The following CEP162 variants were observed in gnomAD, a reference collection of about 807,000 sequenced individuals.
CEP162 encodes centrosomal protein of 162 kDa.
A neutral mutation model predicts 169.2 loss-of-function variants in CEP162; 141 were observed. That is an observed-to-expected ratio of 0.83 (90% CI 0.73 to 0.96). The LOEUF (loss-of-function observed/expected upper bound fraction) is 0.96, where lower values mean the gene tolerates loss of function less well. Among genes scored for constraint, CEP162 ranks in the 40% least tolerant of loss-of-function variants. CEP162 has a pLI of 0.00. For missense variants in CEP162, 1,600 were observed against 1,587.2 expected (o/e 1.01, Z -0.14); for synonymous variants, 540 against 526.4 (o/e 1.03, Z -0.35).
At chr6:84,205,490 T>G (rs946222520) in intron 6 of CEP162, among the ~76,000 whole-genome samples, 171 of 152,246 alleles carry the variant, frequency 1.1e-3, no homozygotes, top group Non-Finnish European at 1.8e-3. Context: ...CTCAATAGAT[T>G]CAGAAAAGGC....
chr6:84,227,141 G>T (rs1390449997), intron 1 of CEP162, among the ~76,000 whole-genome samples: 1 of 152,138 alleles, frequency 6.6e-6, no homozygotes, highest in Non-Finnish European at 1.5e-5. Context: ...CGTTCCCCTA[G>T]ACACCTAATG....
At chr6:84,221,880 C>G (rs1249603046) in intron 2 of CEP162, among the ~76,000 whole-genome samples, 1 of 152,120 alleles carries the variant, frequency 6.6e-6, no homozygotes, top group Non-Finnish European at 1.5e-5. Context: ...CAGAACTTCT[C>G]TAGGTTCTTC....
chr6:84,221,181 A>G lies in CEP162; in HGVS notation c.58-10T>C, dbSNP rs1306044828. ...AAGAATCATCTGAAAGCTGAATTAG[A>G]TATAAGACATTCAATTTGAAAATAC... is the stretch of plus-strand genomic sequence containing the variant. On this transcript the variant is annotated splice_polypyrimidine_tract_variant and intron_variant, in intron 2 of 26. Coordinates refer to ENST00000403245, the MANE Select transcript of CEP162 (RefSeq NM_014895.4). 11 of 1,234,796 alleles carry G rather than the reference A, an allele frequency of 8.9e-6. No individual in the cohort carries two copies. The highest frequency in any genetic ancestry group is 1.3e-5 in the Non-Finnish European group (11 of 840,844). 76.5% of individuals were successfully genotyped at this position (1,234,796 alleles called of 1,614,324 possible).
intron 24 of CEP162, among the ~76,000 whole-genome samples, chr6:84,147,632 G>C (rs1032755995): frequency 6.6e-6 from 1 of 151,844 alleles, no homozygotes; most frequent in African/African-American, 2.4e-5. Flanking sequence ...ATCAATAAAA[G>C]GGGGGGAAAA....
intron 13 of CEP162, among the ~76,000 whole-genome samples, chr6:84,182,838 T>C (rs776148663): frequency 6.6e-6 from 1 of 152,154 alleles, no homozygotes; most frequent in Non-Finnish European, 1.5e-5. Context: ...TTTAATTTGG[T>C]TAAGTTCCGG....
In CEP162 at chr6:84,124,626, A is replaced by G. The variant is rs1325477710; in HGVS notation, c.*444T>C. The G allele has an allele frequency of 4.9e-6, 1 of 204,300 alleles. No homozygotes were observed. The highest frequency in any genetic ancestry group is 6.2e-5 in the Admixed American group (1 of 16,036). 12.7% of individuals were successfully genotyped at this position (204,300 alleles called of 1,614,324 possible). On this transcript the variant is annotated 3_prime_UTR_variant, in exon 27 of 27. Coordinates refer to ENST00000403245, the MANE Select transcript of CEP162 (RefSeq NM_014895.4). ...AGCGTTGAAAAATTACCTGTTGGGTACAGTGTTTAATATTTGGATGATGGG... is the reference window on the plus strand; with the variant it reads ...AGCGTTGAAAAATTACCTGTTGGGTGCAGTGTTTAATATTTGGATGATGGG...
intron 18 of CEP162, among the ~76,000 whole-genome samples, chr6:84,166,230 CTT>C (rs2099527767): frequency 6.6e-6 from 1 of 152,132 alleles, no homozygotes; most frequent in East Asian, 1.9e-4. Flanking sequence ...CTCTGCTACT[CTT>C]GTCTTTACCC....
intron 3 of CEP162, 176 bp from the exon 4 acceptor site, chr6:84,216,098 A>G (rs914144738): frequency 5.1e-6 from 4 of 787,132 alleles, no homozygotes; most frequent in South Asian, 5.1e-5. Context: ...TTATAATTCT[A>G]TTTGGTGGCA....
chr6:84,142,249 C>T (rs560570624), intron 25 of CEP162, among the ~76,000 whole-genome samples: 22 of 152,168 alleles, frequency 1.4e-4, no homozygotes, highest in Non-Finnish European at 2.2e-4. Flanking sequence ...AAACAGGTAA[C>T]CTTAATTTAT....
chr6:84,215,434 A>G lies in CEP162; in HGVS notation c.351T>C (p.Ser117=). Residue 117 remains serine, a synonymous_variant, in exon 5 of 27, where the codon AGT becomes AGC. Coordinates refer to ENST00000403245, the MANE Select transcript of CEP162 (RefSeq NM_014895.4). ...ELVVSELNHS[S]LGVGLDTLEE... Reference sequence around the variant, plus strand: ...CTAATGTGTCCAATCCCACTCCGAGACTACTATGGTTGAGCTCAGAAACTA... The same window carrying G: ...CTAATGTGTCCAATCCCACTCCGAGGCTACTATGGTTGAGCTCAGAAACTA... The G allele has an allele frequency of 6.2e-7, 1 of 1,605,404 alleles. No homozygotes were observed. The highest frequency in any genetic ancestry group is 8.5e-7 in the Non-Finnish European group (1 of 1,176,372).
intron 6 of CEP162, among the ~76,000 whole-genome samples, chr6:84,209,715 A>C (rs2099548712): frequency 6.6e-6 from 1 of 152,202 alleles, no homozygotes; most frequent in Non-Finnish European, 1.5e-5. Context: ...TCAAAAGTTA[A>C]TACAGCCAAG....
intron 9 of CEP162, among the ~76,000 whole-genome samples, chr6:84,200,227 G>A (rs1214521947): frequency 6.6e-6 from 1 of 152,188 alleles, no homozygotes; most frequent in Admixed American, 6.5e-5. Context: ...TCCAGCCAGG[G>A]TGACAGAGCA....
At chr6:84,154,367 T>G (rs1471729508) in intron 22 of CEP162, among the ~76,000 whole-genome samples, 1 of 150,178 alleles carries the variant, frequency 6.7e-6, no homozygotes, top group Non-Finnish European at 1.5e-5. Context: ...TGTCTATCTA[T>G]CTATCTATCT....
rs541007793 is a variant in CEP162 at position 84,148,740 on chromosome 6, C to T, written c.3771+822G>A. On this transcript the variant is annotated intron_variant, in intron 24 of 26. Transcript: ENST00000403245. ...TCTTGATGTTTTTCTCCCTGACCTTCTTTCTTAAAATTGAAGCCTACAGAC... is the reference window on the plus strand; with the variant it reads ...TCTTGATGTTTTTCTCCCTGACCTTTTTTCTTAAAATTGAAGCCTACAGAC... 5.3e-5 allele frequency among the ~76,000 whole-genome samples: 8 copies of T among 152,186 alleles called. No homozygotes were observed. The East Asian group carries it at 1.5e-3, about 29-fold the overall frequency.
intron 2 of CEP162, among the ~76,000 whole-genome samples, chr6:84,223,307 T>A (rs539273828): frequency 6.6e-6 from 1 of 151,418 alleles, no homozygotes; most frequent in Non-Finnish European, 1.5e-5. Context: ...GAGACCAGCC[T>A]GACCAACATG....
At chr6:84,209,288 C>A (rs561611586) in intron 6 of CEP162, among the ~76,000 whole-genome samples, 1 of 151,802 alleles carries the variant, frequency 6.6e-6, no homozygotes, top group East Asian at 1.9e-4. Context: ...GTGTTCAGAA[C>A]GGTGGTTGAT....
rs765237177 is a variant in CEP162 at position 84,195,997 on chromosome 6, A to G, written c.836-922T>C. 1.3e-3 allele frequency among the ~76,000 whole-genome samples: 201 copies of G among 152,316 alleles called. 2 individuals carry two copies. The highest frequency in any genetic ancestry group is 1.9e-3 in the South Asian group (9 of 4,828). On this transcript the variant is annotated intron_variant, in intron 9 of 26. Transcript: ENST00000403245. ...TATATTCCCTACTAAAACTTGTTCTACTACCAGTATTTCCTAATCACATCA... is the reference window on the plus strand; with the variant it reads ...TATATTCCCTACTAAAACTTGTTCTGCTACCAGTATTTCCTAATCACATCA...
chr6:84,163,575 T>C (rs2099526582), intron 18 of CEP162, among the ~76,000 whole-genome samples: 1 of 151,884 alleles, frequency 6.6e-6, no homozygotes, highest in Non-Finnish European at 1.5e-5. Flanking sequence ...TAATAAGCTC[T>C]TAACTAGTAT....
intron 25 of CEP162, among the ~76,000 whole-genome samples, chr6:84,143,990 A>G (rs1465528365): frequency 6.6e-6 from 1 of 151,940 alleles, no homozygotes; most frequent in East Asian, 1.9e-4. Flanking sequence ...ATCTTTTAAT[A>G]ATCACTTTGG....
Sources: gnomAD v4.1 joint callset for allele counts (sites outside exome capture counted in the v4.1 genomes callset) on GRCh38, gnomAD v4.1.1 for gene constraint, MANE v1.5 for transcripts, NCBI Gene and HGNC (gene_info 2026-07-23, HGNC 2026-07-21) for gene names.